The following CMSS1 variants were observed in gnomAD, a reference collection of about 807,000 sequenced individuals.
CMSS1 encodes the protein cms1 ribosomal small subunit homolog.
Under a neutral mutation model 43.5 loss-of-function variants are expected in CMSS1, and 33 were observed. The ratio of observed to expected loss-of-function variants is 0.76; its 90% CI spans 0.57 to 1.01. The LOEUF is 1.01. Among genes scored for constraint, CMSS1 ranks in the 50% least tolerant of loss-of-function variants. The pLI is 0.00. For synonymous variants in CMSS1, 115 were observed against 117.2 expected, an observed-to-expected ratio of 0.98 and a Z score of 0.12; for missense variants, 313 against 326.4, an observed-to-expected ratio of 0.96 and a Z score of 0.32.
chr3:99,968,288 A>T (rs114861059), intron 1 of CMSS1, among the ~76,000 whole-genome samples: 10 of 152,264 alleles, frequency 6.6e-5, no homozygotes, highest in Non-Finnish European at 1.2e-4. Flanking sequence ...CAAACTACAG[A>T]AAGTTTGGTC....
chr3:99,868,874 T>C (rs1944645664), intron 1 of CMSS1, among the ~76,000 whole-genome samples: 2 of 152,224 alleles, frequency 1.3e-5, no homozygotes, highest in African/African-American at 4.8e-5. Context: ...CTTTATTACC[T>C]AAATATTCTA....
intron 1 of CMSS1, among the ~76,000 whole-genome samples, chr3:99,920,258 C>T (rs561318231): frequency 6.6e-6 from 1 of 152,174 alleles, no homozygotes; most frequent in East Asian, 1.9e-4. Context: ...AAAAAAGCAA[C>T]TCTTTTTTTT....
intron 1 of CMSS1, among the ~76,000 whole-genome samples, chr3:99,991,394 T>C (rs1165283187): frequency 6.6e-6 from 1 of 152,220 alleles, no homozygotes; most frequent in Non-Finnish European, 1.5e-5. Context: ...TATATTCCTA[T>C]TGTTGAAAAT....
chr3:99,967,757 G>A (rs1466779610), intron 1 of CMSS1, among the ~76,000 whole-genome samples: 1 of 152,172 alleles, frequency 6.6e-6, no homozygotes, highest in African/African-American at 2.4e-5. Flanking sequence ...ATGTAGATGT[G>A]GAGTGTTTTA....
At chr3:100,145,291 A>G (rs1484759897) in intron 1 of CMSS1, among the ~76,000 whole-genome samples, 1 of 152,060 alleles carries the variant, frequency 6.6e-6, no homozygotes, top group African/African-American at 2.4e-5. Context: ...AAACACAAAA[A>G]TTAGCCAGGC....
rs139827384 is a variant in CMSS1, at chr3:99,970,018, G to A, written c.64+151975G>A. Among the ~76,000 whole-genome samples the A allele has an allele frequency of 7.7e-3, 1,171 of 152,258 alleles. 20 individuals carry two copies. The highest frequency in any genetic ancestry group is 0.026 in the African/African-American group (1,080 of 41,532). ...AATGGTTTAGAAGCATTATAAAAAG[G>A]AATAATCAGTTAGGCATTGGCTTAA... On this transcript the variant is annotated intron_variant, in intron 1 of 9. Coordinates refer to ENST00000421999, the MANE Select transcript of CMSS1 (RefSeq NM_032359.4).
intron 1 of CMSS1, among the ~76,000 whole-genome samples, chr3:100,140,616 C>T (rs1408050499): frequency 6.6e-6 from 1 of 152,024 alleles, no homozygotes; most frequent in African/African-American, 2.4e-5. Context: ...CCTCCCTAAG[C>T]ACTGGGATTA....
chr3:100,019,411 C>T (rs1030374548), intron 1 of CMSS1, among the ~76,000 whole-genome samples: 2 of 151,786 alleles, frequency 1.3e-5, no homozygotes, highest in African/African-American at 2.4e-5. Context: ...TTACCCTTAC[C>T]GAAAGGAATA....
At chr3:99,914,193 G>A (rs1483533979) in intron 1 of CMSS1, among the ~76,000 whole-genome samples, 1 of 152,158 alleles carries the variant, frequency 6.6e-6, no homozygotes, top group Non-Finnish European at 1.5e-5. Flanking sequence ...TGGTGAGAAA[G>A]GTAAGCCAGG....
At chr3:99,979,167 A>T (rs1709050622) in intron 1 of CMSS1, among the ~76,000 whole-genome samples, 2 of 152,226 alleles carry the variant, frequency 1.3e-5, no homozygotes, top group South Asian at 4.1e-4. Flanking sequence ...CACACTGTAT[A>T]CCTATATCAG....
intron 1 of CMSS1, among the ~76,000 whole-genome samples, chr3:100,012,304 TGTATAAAAATAATTTCA>T (rs1264734625): frequency 6.6e-6 from 1 of 152,214 alleles, no homozygotes; most frequent in East Asian, 1.9e-4. Context: ...AAATATGAGA[TGTATAAAAATAATTTCA>T]GTGCTGTTTC....
At chr3:100,001,293 C>T (rs189923448) in intron 1 of CMSS1, among the ~76,000 whole-genome samples, 34 of 152,266 alleles carry the variant, frequency 2.2e-4, no homozygotes, top group Admixed American at 2.2e-3. Flanking sequence ...TGGCTATACT[C>T]CTTCATTTAC....
At chr3:100,055,370 G>GTGAC (rs1361883671) in intron 1 of CMSS1, among the ~76,000 whole-genome samples, 3 of 152,068 alleles carry the variant, frequency 2.0e-5, no homozygotes, top group African/African-American at 7.2e-5. Context: ...GAAAATCAAG[G>GTGAC]TGACTGTATG....
rs992582775 is a variant in CMSS1 at position 99,946,992 on chromosome 3, C to T, written c.64+128949C>T. Among the ~76,000 whole-genome samples the T allele has an allele frequency of 4.6e-5, 7 of 152,042 alleles. No individual in the cohort carries two copies. The East Asian group carries it at 9.7e-4, about 21-fold the overall frequency. On this transcript the variant is annotated intron_variant, in intron 1 of 9. Coordinates refer to ENST00000421999, the MANE Select transcript of CMSS1 (RefSeq NM_032359.4). ...TCTACTAAAAAAATACAAAAATTAG[C>T]GGGGCGTGGTGGCAGGCACCTGTAA...
At chr3:99,916,530 C>T (rs1307111032) in intron 1 of CMSS1, among the ~76,000 whole-genome samples, 1 of 151,752 alleles carries the variant, frequency 6.6e-6, no homozygotes, top group African/African-American at 2.4e-5. Flanking sequence ...TGCTAATGGT[C>T]ACTGAGTGCT....
In CMSS1 at chr3:100,152,488, T is replaced by A. The variant is rs542689686; in HGVS notation, c.153+5427T>A. ...AATATGAGGCAATATTCCTTAAGCTTCCTAGAGGCAGCTTGTTTAAAAAAA... is the reference window on the plus strand; with the variant it reads ...AATATGAGGCAATATTCCTTAAGCTACCTAGAGGCAGCTTGTTTAAAAAAA... On this transcript the variant is annotated intron_variant, in intron 2 of 9. Transcript: ENST00000421999. Among the ~76,000 whole-genome samples the A allele has an allele frequency of 3.9e-5, 6 of 152,290 alleles. No individual in the cohort carries two copies. The South Asian group carries it at 1.2e-3, about 32-fold the overall frequency.
intron 1 of CMSS1, among the ~76,000 whole-genome samples, chr3:99,988,762 A>G (rs1709428366): frequency 6.6e-6 from 1 of 152,188 alleles, no homozygotes; most frequent in African/African-American, 2.4e-5. Context: ...TTTTACAGAA[A>G]CATAGTATAA....
At chr3:99,840,627 G>T (rs1185751403) in intron 1 of CMSS1, among the ~76,000 whole-genome samples, 2 of 152,182 alleles carry the variant, frequency 1.3e-5, no homozygotes, top group Non-Finnish European at 2.9e-5. Context: ...CATGCAGGTT[G>T]TTGGCTTATT....
At chr3:100,004,285 A>G (rs1709926381) in intron 1 of CMSS1, among the ~76,000 whole-genome samples, 1 of 152,174 alleles carries the variant, frequency 6.6e-6, no homozygotes. Context: ...TTTAGAGTGA[A>G]CTGAAACTGT....
Sources: allele counts gnomAD v4.1 joint callset (sites outside exome capture counted in the v4.1 genomes callset), GRCh38; gene constraint gnomAD v4.1.1; transcripts MANE v1.5; gene names NCBI Gene and HGNC (gene_info 2026-07-23, HGNC 2026-07-21).